The following CNTNAP5 variants were observed in gnomAD, a reference collection of about 807,000 sequenced individuals.
CNTNAP5 encodes the protein contactin-associated protein-like 5.
A neutral mutation model predicts 150.2 loss-of-function variants in CNTNAP5; 72 were observed. The ratio of observed to expected loss-of-function variants is 0.48; its 90% CI spans 0.40 to 0.58. The LOEUF (loss-of-function observed/expected upper bound fraction) is 0.58, where lower values mean the gene tolerates loss of function less well. CNTNAP5 is among the 20% of genes least tolerant of loss of function. The pLI, the probability that CNTNAP5 is intolerant of heterozygous loss-of-function variation, is 0.00. For synonymous variants in CNTNAP5, 672 were observed against 619.8 expected, an observed-to-expected ratio of 1.08 and a Z score of -1.25; for missense variants, 1,636 against 1,626.2, an observed-to-expected ratio of 1.01 and a Z score of -0.10.
chr2:124,722,711 A>T (rs1463794577), intron 13 of CNTNAP5, among the ~76,000 whole-genome samples: 1 of 152,128 alleles, frequency 6.6e-6, no homozygotes, highest in Non-Finnish European at 1.5e-5. Context: ...CAACCTCAGA[A>T]AATGAATTGG....
intron 5 of CNTNAP5, among the ~76,000 whole-genome samples, chr2:124,437,110 A>G (rs1380960772): frequency 1.3e-5 from 2 of 152,192 alleles, no homozygotes; most frequent in Non-Finnish European, 2.9e-5. Context: ...TAGGTTTCAT[A>G]AACACCAGGA....
chr2:124,199,413 C>CTTTTTTT (rs70996049), intron 1 of CNTNAP5, among the ~76,000 whole-genome samples: 66 of 110,024 alleles, frequency 6.0e-4, no homozygotes, highest in Non-Finnish European at 9.3e-4. Flanking sequence ...TTCCAAGGTT[C>CTTTTTTT]TTTTTTTTTT....
intron 13 of CNTNAP5, among the ~76,000 whole-genome samples, chr2:124,726,002 A>G (rs1348753393): frequency 6.6e-6 from 1 of 152,036 alleles, no homozygotes; most frequent in Non-Finnish European, 1.5e-5. Context: ...ATGTATGTGT[A>G]TATATATGAT....
intron 11 of CNTNAP5, among the ~76,000 whole-genome samples, chr2:124,587,925 G>A (rs947060919): frequency 1.3e-5 from 2 of 152,056 alleles, no homozygotes; most frequent in East Asian, 3.8e-4. Flanking sequence ...GAGACTTAGG[G>A]TTCTGGGAAA....
intron 7 of CNTNAP5, among the ~76,000 whole-genome samples, chr2:124,478,424 C>T (rs1464281637): frequency 6.6e-6 from 1 of 152,082 alleles, no homozygotes; most frequent in Non-Finnish European, 1.5e-5. Flanking sequence ...TAGTTTTAAC[C>T]TTCACAATTT....
At chr2:124,343,381 T>C (rs999992333) in intron 3 of CNTNAP5, among the ~76,000 whole-genome samples, 1 of 152,194 alleles carries the variant, frequency 6.6e-6, no homozygotes, top group Non-Finnish European at 1.5e-5. Context: ...TTTAACATAT[T>C]GGATAAGCCT....
chr2:124,778,291 G>A (rs1421807899), intron 17 of CNTNAP5, among the ~76,000 whole-genome samples: 1 of 152,198 alleles, frequency 6.6e-6, no homozygotes, highest in Non-Finnish European at 1.5e-5. Flanking sequence ...CCCAGAGGAA[G>A]CAGATGACTC....
chr2:124,494,434 G>C (rs567562684), intron 7 of CNTNAP5, among the ~76,000 whole-genome samples: 1 of 152,164 alleles, frequency 6.6e-6, no homozygotes, highest in East Asian at 1.9e-4. Flanking sequence ...GTTCTCTCTA[G>C]GCCCCTAGCA....
At chr2:124,479,441 CT>C (rs1045138787) in intron 7 of CNTNAP5, among the ~76,000 whole-genome samples, 1 of 152,048 alleles carries the variant, frequency 6.6e-6, no homozygotes, top group Admixed American at 6.6e-5. Flanking sequence ...AAATATTTTC[CT>C]TTTTATTTAA....
intron 4 of CNTNAP5, among the ~76,000 whole-genome samples, chr2:124,428,139 G>A (rs1334602589): frequency 1.3e-5 from 2 of 152,048 alleles, no homozygotes; most frequent in South Asian, 2.1e-4. Context: ...TGGTGGGACT[G>A]CCCTTCCCAC....
intron 8 of CNTNAP5, among the ~76,000 whole-genome samples, chr2:124,513,696 G>T (rs7566257): frequency 0.23 from 35,574 of 152,070 alleles, 4,745 homozygotes; most frequent in South Asian, 0.45. Context: ...ATTATATGCC[G>T]CATAATGTGT....
At chr2:124,300,156 C>G (rs1017754307) in intron 3 of CNTNAP5, among the ~76,000 whole-genome samples, 9 of 152,212 alleles carry the variant, frequency 5.9e-5, no homozygotes, top group African/African-American at 2.2e-4. Flanking sequence ...AAAGTCATGA[C>G]TCATTCCAGC....
intron 3 of CNTNAP5, among the ~76,000 whole-genome samples, chr2:124,342,839 TA>T (rs139315224): frequency 6.6e-6 from 1 of 152,072 alleles, no homozygotes; most frequent in African/African-American, 2.4e-5. Context: ...CAGAAAGTTG[TA>T]AAAAATCATG....
At chr2:124,184,765 A>G (rs1685293493) in intron 1 of CNTNAP5, among the ~76,000 whole-genome samples, 2 of 152,148 alleles carry the variant, frequency 1.3e-5, no homozygotes, top group Admixed American at 1.3e-4. Context: ...AAGACAATGG[A>G]TATTCTGGAA....
chr2:124,771,870 C>G (rs1264937145), intron 16 of CNTNAP5, among the ~76,000 whole-genome samples: 1 of 151,806 alleles, frequency 6.6e-6, no homozygotes. Flanking sequence ...CCATCACTAC[C>G]ATCACCATTA....
At chr2:124,721,642 A>G (rs1680052713) in intron 13 of CNTNAP5, among the ~76,000 whole-genome samples, 1 of 152,104 alleles carries the variant, frequency 6.6e-6, no homozygotes, top group African/African-American at 2.4e-5. Context: ...CAGCAAATGT[A>G]TTACCCTATT....
intron 13 of CNTNAP5, among the ~76,000 whole-genome samples, chr2:124,742,601 T>C (rs1351671529): frequency 6.6e-6 from 1 of 151,222 alleles, no homozygotes; most frequent in Non-Finnish European, 1.5e-5. Context: ...GATATAGATA[T>C]ATATTAAACA....
intron 3 of CNTNAP5, among the ~76,000 whole-genome samples, chr2:124,402,015 G>A (rs545362607): frequency 2.6e-5 from 4 of 152,264 alleles, no homozygotes; most frequent in Admixed American, 2.6e-4. Flanking sequence ...GAATAAAAAG[G>A]GATATAACTG....
chr2:124,036,820 T>C (rs1573707997), intron 1 of CNTNAP5, among the ~76,000 whole-genome samples: 1 of 152,180 alleles, frequency 6.6e-6, no homozygotes, highest in Non-Finnish European at 1.5e-5. Context: ...TTGGATGGTG[T>C]GGTAATTTAC....
Sources: allele counts gnomAD v4.1 joint callset (sites outside exome capture counted in the v4.1 genomes callset), GRCh38; gene constraint gnomAD v4.1.1; transcripts MANE v1.5; gene names NCBI Gene and HGNC (gene_info 2026-07-23, HGNC 2026-07-21).